CERT1: variants seen among roughly 807,000 people sequenced by gnomAD.
CERT1 encodes ceramide transfer protein.
A neutral mutation model predicts 87.9 loss-of-function variants in CERT1; 31 were observed. That is an observed-to-expected ratio of 0.35 (90% CI 0.27 to 0.48). CERT1 has a LOEUF of 0.48. Ranked by LOEUF, CERT1 falls within the 20% of genes least tolerant of loss-of-function variation. The pLI is 0.99. For synonymous variants in CERT1, 289 were observed against 250.9 expected, an observed-to-expected ratio of 1.15 and a Z score of -1.44; for missense variants, 487 against 758.0, an observed-to-expected ratio of 0.64 and a Z score of 4.20.
chr5:75,495,761 T>C (rs1434000975), intron 2 of CERT1, among the ~76,000 whole-genome samples: 1 of 152,168 alleles, frequency 6.6e-6, no homozygotes, highest in East Asian at 1.9e-4. Context: ...TGAGAAATGT[T>C]GCCTCTATAC....
At chr5:75,500,994 G>GTT (rs533662687) in intron 2 of CERT1, among the ~76,000 whole-genome samples, 32 of 136,956 alleles carry the variant, frequency 2.3e-4, no homozygotes, top group African/African-American at 6.6e-4. Flanking sequence ...TGTTTTTTTT[G>GTT]TTTTTTTTTT....
intron 3 of CERT1, among the ~76,000 whole-genome samples, chr5:75,426,958 A>G (rs1322631749): frequency 6.6e-6 from 1 of 152,236 alleles, no homozygotes; most frequent in Non-Finnish European, 1.5e-5. Flanking sequence ...CCCATTCTTA[A>G]CACATCACAA....
At chr5:75,388,877 GTCC>G (rs1006500250) in intron 12 of CERT1, among the ~76,000 whole-genome samples, 37 of 152,002 alleles carry the variant, frequency 2.4e-4, no homozygotes, top group African/African-American at 8.4e-4. Flanking sequence ...CGCCTGCCAT[GTCC>G]TCCTAAAAGT....
At position 75,401,614 on chromosome 5, in the gene CERT1, A is replaced by G. The variant is rs1292643155; in HGVS notation, c.1018-1317T>C. On this transcript the variant is annotated intron_variant, in intron 9 of 16. Coordinates refer to ENST00000643780, the MANE Select transcript of CERT1 (RefSeq NM_001379029.1). ...GCCCATTTAGGAACTAAAAGTTCCC[A>G]CTCTTCTTGAGTGGTACATAGCATC... 3 of 152,256 alleles carry G rather than the reference A, an allele frequency of 2.0e-5. No homozygotes were observed. The East Asian group carries it at 5.8e-4, about 29-fold the overall frequency. 9.4% of individuals were successfully genotyped at this position (152,256 alleles called of 1,614,324 possible).
chr5:75,428,271 T>C (rs1763706037), intron 3 of CERT1, among the ~76,000 whole-genome samples: 1 of 152,118 alleles, frequency 6.6e-6, no homozygotes, highest in Non-Finnish European at 1.5e-5. Context: ...TTTAATATTC[T>C]AGGATCTCGG....
rs1580798274 is a variant in CERT1, at chr5:75,457,895, T to C, written c.348+1170A>G. Among the ~76,000 whole-genome samples the C allele has an allele frequency of 1.3e-5, 2 of 149,802 alleles. 1 individual carries two copies. The highest frequency in any genetic ancestry group is 4.3e-4 in the South Asian group (2 of 4,626). ...GCCAGACTGGTTTTTCTTGGGTGTA[T>C]GGGTATAGGCGCGCGTGTGTGTGTG... On this transcript the variant is annotated intron_variant, in intron 3 of 16. Coordinates refer to ENST00000643780, the MANE Select transcript of CERT1 (RefSeq NM_001379029.1).
chr5:75,428,032 G>C (rs1763697014), intron 3 of CERT1, among the ~76,000 whole-genome samples: 1 of 152,044 alleles, frequency 6.6e-6, no homozygotes, highest in Admixed American at 6.6e-5. Context: ...TATATCCATT[G>C]ACATTTTATA....
In CERT1 at chr5:75,511,472, G is replaced by A; in HGVS notation, c.-265C>T. The stretch of plus-strand genomic sequence containing the variant: ...CCGCCGCCGTCGCCGTGACCCCTGC[G>A]TTGCGCCCGGCGCTGCCACCCGAAC... On this transcript the variant is annotated 5_prime_UTR_variant, in exon 1 of 17. In the 5' UTR this introduces an upstream ATG that the reference lacks. Coordinates refer to ENST00000643780, the MANE Select transcript of CERT1 (RefSeq NM_001379029.1). 1 of 1,511,742 alleles carries A rather than the reference G, an allele frequency of 6.6e-7. No individual in the cohort carries two copies. Among genetic ancestry groups the A allele is most frequent in the Non-Finnish European group, 8.8e-7 (1 of 1,130,180 alleles). The allele number at this position is 1,511,742 out of a possible 1,614,324, so 93.6% of individuals were successfully genotyped here.
intron 8 of CERT1, 65 bp from the exon 9 acceptor site, chr5:75,403,123 T>TTAATACCAGA: frequency 9.6e-7 from 1 of 1,044,286 alleles, no homozygotes; most frequent in Non-Finnish European, 1.5e-6. Context: ...CTGATAACTC[T>TTAATACCAGA]GGTATTAACT....
chr5:75,511,258 CGGA>C lies in CERT1; in HGVS notation c.-54_-52del, dbSNP rs1767973721. On this transcript the variant is annotated 5_prime_UTR_variant, in exon 1 of 17. Transcript: ENST00000643780. ...CCGGCCCCCGCTCCCTCAGCTGCGC[CGGA>C]GGAGGCGCCCAGTCCTCGGGGTGAA... 5.6e-6 allele frequency: 9 copies of C among 1,599,490 alleles called. No homozygotes were observed. The highest frequency in any genetic ancestry group is 1.3e-5 in the African/African-American group (1 of 74,644).
chr5:75,469,092 A>G (rs1474741831), intron 2 of CERT1, among the ~76,000 whole-genome samples: 1 of 152,088 alleles, frequency 6.6e-6, no homozygotes, highest in Non-Finnish European at 1.5e-5. Context: ...AAATGACAAG[A>G]TGAGAAAATT....
chr5:75,381,524 TA>T (rs779062129), intron 15 of CERT1, among the ~76,000 whole-genome samples: 6,476 of 142,562 alleles, frequency 0.045, 206 homozygotes, highest in African/African-American at 0.09. Context: ...CCTGGCTAAT[TA>T]AAAAAAAAAA....
At chr5:75,468,366 T>C (rs905137699) in intron 2 of CERT1, among the ~76,000 whole-genome samples, 2 of 152,124 alleles carry the variant, frequency 1.3e-5, no homozygotes, top group African/African-American at 4.8e-5. Flanking sequence ...AATGCAGAGA[T>C]ATCTCCTCTG....
intron 17 of CERT1, chr5:75,371,201 A>G (rs1761073375): frequency 6.6e-6 from 1 of 152,204 alleles, no homozygotes; most frequent in Non-Finnish European, 1.5e-5. Context: ...TTTAAAAAAC[A>G]TCATCAGGAT....
chr5:75,476,328 T>C (rs1263737366), intron 2 of CERT1, among the ~76,000 whole-genome samples: 1 of 152,246 alleles, frequency 6.6e-6, no homozygotes, highest in Non-Finnish European at 1.5e-5. Flanking sequence ...AATTGTGATT[T>C]TTTTTTTTGC....
At chr5:75,374,417 A>G, downstream of CERT1, 1 of 566,014 alleles carries the variant, frequency 1.8e-6, no homozygotes, top group Admixed American at 3.0e-5. Context: ...TTCAAAAGTT[A>G]GAAAAAAAAA....
intron 9 of CERT1, chr5:75,402,446 T>G (rs914432407): frequency 6.6e-6 from 1 of 152,206 alleles, no homozygotes; most frequent in African/African-American, 2.4e-5. Context: ...CTTTTAACAA[T>G]TATTGGTTTT....
intron 2 of CERT1, among the ~76,000 whole-genome samples, chr5:75,492,465 A>G (rs1426561749): frequency 6.6e-6 from 1 of 152,214 alleles, no homozygotes; most frequent in African/African-American, 2.4e-5. Flanking sequence ...TGAGCCCAGG[A>G]GGAAAGACAG....
downstream of CERT1, chr5:75,375,909 T>C (rs980679854): frequency 6.6e-6 from 1 of 151,712 alleles, no homozygotes; most frequent in Non-Finnish European, 1.5e-5. Flanking sequence ...AGGTTTGAAT[T>C]TGGATCTTTG....
Sources: gnomAD v4.1 joint callset for allele counts (sites outside exome capture counted in the v4.1 genomes callset) on GRCh38, gnomAD v4.1.1 for gene constraint, MANE v1.5 for transcripts, NCBI Gene and HGNC (gene_info 2026-07-23, HGNC 2026-07-21) for gene names.